Variants in DRC1 observed in about 807,000 individuals in gnomAD.
DRC1 encodes dynein regulatory complex protein 1.
DRC1 carries 74 observed loss-of-function variants against 98.7 expected under a neutral mutation model. The ratio of observed to expected loss-of-function variants is 0.75; its 90% CI spans 0.62 to 0.91. The LOEUF is 0.91. DRC1 is among the 40% of genes least tolerant of loss of function. The pLI is 0.00. For missense variants in DRC1, 875 were observed against 886.0 expected, an observed-to-expected ratio of 0.99 and a Z score of 0.16; for synonymous variants, 336 against 334.1, an observed-to-expected ratio of 1.01 and a Z score of -0.06.
In DRC1 at chr2:26,439,936, TAC is replaced by T. The variant is rs1553342452; in HGVS notation, c.889-432_889-431del. ...ACTAGTGTGTGAATATATATATATA[TAC>T]ACACACACATACACACACACACACA... On this transcript the variant is annotated intron_variant, in intron 7 of 16. Transcript: ENST00000288710. Among the ~76,000 whole-genome samples the T allele has an allele frequency of 8.7e-4, 66 of 75,490 alleles. 4 individuals are homozygous for T. Among genetic ancestry groups the T allele is most frequent in the Middle Eastern group, 6.6e-3 (1 of 152 alleles). The allele number at this position is 75,490 out of a possible 152,430, so 49.5% of individuals were successfully genotyped here.
At chr2:26,445,607 TC>T (rs1663830380) in intron 10 of DRC1, among the ~76,000 whole-genome samples, 1 of 152,210 alleles carries the variant, frequency 6.6e-6, no homozygotes. Flanking sequence ...CTAGTGGAAA[TC>T]TTCATATTGG....
At chr2:26,410,110 C>G (rs1223879622) in intron 1 of DRC1, among the ~76,000 whole-genome samples, 2 of 147,536 alleles carry the variant, frequency 1.4e-5, no homozygotes, top group African/African-American at 5.0e-5. Flanking sequence ...AAGGAGTGTT[C>G]AGAGAAAAAA....
chr2:26,413,034 G>A (rs1203382306), intron 1 of DRC1, among the ~76,000 whole-genome samples: 4 of 152,164 alleles, frequency 2.6e-5, no homozygotes, highest in African/African-American at 9.7e-5. Flanking sequence ...CACCCGCCTC[G>A]GCCTCCCAAA....
chr2:26,406,826 T>TTC (rs1553339507), intron 1 of DRC1, among the ~76,000 whole-genome samples: 2,886 of 145,854 alleles, frequency 0.02, 87 homozygotes, highest in African/African-American at 0.069. Context: ...TTTTTTTTTT[T>TTC]TTTTTTTTTG....
Position 26,418,744 on chromosome 2 carries a change from A to ATATAAATTATATTTAATTTATATAAT in DRC1, c.244-2544_244-2543insTATAAATTATATTTAATTTATATAAT, listed in dbSNP as rs1558438467. ...TATAAATTATATTTAATTTATATAT[A>ATATAAATTATATTTAATTTATATAAT]ATATAAATTATATTTTTATATATTA... is the stretch of plus-strand genomic sequence containing the variant. On this transcript the variant is annotated intron_variant, in intron 2 of 16. Transcript: ENST00000288710. Among the ~76,000 whole-genome samples, 51 of 100,210 alleles carry ATATAAATTATATTTAATTTATATAAT rather than the reference A, an allele frequency of 5.1e-4. 2 individuals are homozygous for ATATAAATTATATTTAATTTATATAAT. Among genetic ancestry groups the ATATAAATTATATTTAATTTATATAAT allele is most frequent in the African/African-American group, 2.0e-3 (50 of 25,040 alleles). 65.7% of individuals were successfully genotyped at this position (100,210 alleles called of 152,430 possible).
At chr2:26,447,169 C>T (rs1288987268) in intron 10 of DRC1, among the ~76,000 whole-genome samples, 1 of 152,020 alleles carries the variant, frequency 6.6e-6, no homozygotes, top group Non-Finnish European at 1.5e-5. Flanking sequence ...CATCCCAGCA[C>T]TTTGGGAGGC....
In DRC1 at chr2:26,454,913, A is replaced by C; in HGVS notation, c.2063+123A>C. ...CTGGGAGGGAAGAGCTGCCCTTGGCATCTCCTGTGTGGGTGGATCATGTGG... is the reference window on the plus strand; with the variant it reads ...CTGGGAGGGAAGAGCTGCCCTTGGCCTCTCCTGTGTGGGTGGATCATGTGG... On this transcript the variant is annotated intron_variant, in intron 15 of 16. Coordinates refer to ENST00000288710, the MANE Select transcript of DRC1 (RefSeq NM_145038.5). This position sits in a 1 kb window ranked among gnomAD's most constrained non-coding sequence, Gnocchi z 5.2. 1 of 1,516,694 alleles carries C rather than the reference A, an allele frequency of 6.6e-7. No individual in the cohort carries two copies. The highest frequency in any genetic ancestry group is 9.0e-7 in the Non-Finnish European group (1 of 1,110,516). 94.0% of individuals were successfully genotyped at this position (1,516,694 alleles called of 1,614,324 possible).
intron 4 of DRC1, 105 bp downstream of exon 4, chr2:26,424,559 T>G: frequency 8.5e-7 from 1 of 1,177,116 alleles, no homozygotes; most frequent in Non-Finnish European, 1.2e-6. Flanking sequence ...AACCTTTTAC[T>G]TCATTATTTA....
At chr2:26,403,053 A>C (rs550602258) in intron 1 of DRC1, among the ~76,000 whole-genome samples, 1 of 152,384 alleles carries the variant, frequency 6.6e-6, no homozygotes, top group African/African-American at 2.4e-5. Flanking sequence ...ATTTATGGAC[A>C]CTGAAATTTG....
At chr2:26,455,603 C>T (rs556147773) in intron 16 of DRC1, among the ~76,000 whole-genome samples, 4 of 152,360 alleles carry the variant, frequency 2.6e-5, no homozygotes, top group South Asian at 4.1e-4. Flanking sequence ...GTGGACAGGG[C>T]GGAAACAATG....
intron 8 of DRC1, among the ~76,000 whole-genome samples, chr2:26,443,857 A>G (rs1488141855): frequency 6.6e-6 from 1 of 152,242 alleles, no homozygotes; most frequent in African/African-American, 2.4e-5. Flanking sequence ...AAGTCATGAC[A>G]ATGAAATCGT....
chr2:26,440,452 G>C lies in DRC1; in HGVS notation c.963G>C (p.Gln321His). 1 of 1,613,366 alleles carries C rather than the reference G, an allele frequency of 6.2e-7. No individual in the cohort carries two copies. Among genetic ancestry groups the C allele is most frequent in the South Asian group, 1.1e-5 (1 of 90,982 alleles). Residue 321 changes from glutamine (Q) to histidine (H), a missense_variant, in exon 8 of 17, where the codon CAG becomes CAC. Gln to His is a conservative substitution (Grantham distance 24). Transcript: ENST00000288710. ...AAGAGAAATTAGAGTACAACTTGCAGGTGCTGAAGAAGAGAGATGAAGAAA... is the reference window on the plus strand; with the variant it reads ...AAGAGAAATTAGAGTACAACTTGCACGTGCTGAAGAAGAGAGATGAAGAAA... ...LNQEKLEYNL[Q>H]VLKKRDEEST... is the part of the protein sequence containing the mutation.
intron 10 of DRC1, among the ~76,000 whole-genome samples, chr2:26,446,100 T>C (rs1171735115): frequency 6.8e-6 from 1 of 147,440 alleles, no homozygotes; most frequent in East Asian, 2.0e-4. Flanking sequence ...GGGAATTTTT[T>C]TTTTTTTTTT....
chr2:26,455,492 G>A (rs1421768235), intron 16 of DRC1, among the ~76,000 whole-genome samples: 2 of 152,168 alleles, frequency 1.3e-5, no homozygotes, highest in East Asian at 3.8e-4. Context: ...TGGCCAGCTG[G>A]GACTGCTCTG....
intron 2 of DRC1, among the ~76,000 whole-genome samples, chr2:26,417,794 C>T (rs6712626): frequency 1.1e-3 from 170 of 152,234 alleles, no homozygotes; most frequent in African/African-American, 3.8e-3. Context: ...TATAATGGTT[C>T]GTGGTGGTAT....
chr2:26,448,532 A>G (rs1391766906), intron 10 of DRC1, 159 bp from the exon 11 acceptor site: 2 of 801,978 alleles, frequency 2.5e-6, no homozygotes, highest in Admixed American at 2.0e-5. Flanking sequence ...GCCACGTAAT[A>G]GGCTTTTTTC....
rs773150423 is a variant in DRC1, at chr2:26,402,155, G to A, written c.155+11G>A. 1.8e-5 allele frequency: 29 copies of A among 1,571,846 alleles called. No individual in the cohort carries two copies. Among genetic ancestry groups the A allele is most frequent in the African/African-American group, 1.4e-4 (10 of 73,520 alleles). On this transcript the variant is annotated intron_variant, in intron 1 of 16. Transcript: ENST00000288710. Reference sequence around the variant, plus strand: ...AGAAGCCCGGAGGCGGTGAGCGCGGGGGCGGGCGGGGCGGGATCCGCGCCG... The same window carrying A: ...AGAAGCCCGGAGGCGGTGAGCGCGGAGGCGGGCGGGGCGGGATCCGCGCCG...
rs1208132453 is a variant in DRC1 at position 26,418,662 on chromosome 2, TTATATAAATTAAATATAATTTATATTA to T, written c.244-2614_244-2588del. Among the ~76,000 whole-genome samples the T allele has an allele frequency of 7.8e-5, 7 of 89,820 alleles. No individual in the cohort carries two copies. In the East Asian group the frequency reaches 8.0e-4, roughly 10 times the overall value. The allele number at this position is 89,820 out of a possible 152,430, so 58.9% of individuals were successfully genotyped here. A position where few individuals can be genotyped will look rare whatever the true frequency, so the allele number is the denominator to read the frequency against. On this transcript the variant is annotated intron_variant, in intron 2 of 16. Coordinates refer to ENST00000288710, the MANE Select transcript of DRC1 (RefSeq NM_145038.5). ...ATTTATATAATATATAAATTATATA[TTATATAAATTAAATATAATTTATATTA>T]TATATAAATTATATTTAATTTATAT...
In DRC1 at chr2:26,454,958, C is replaced by G. The variant is rs957208482; in HGVS notation, c.2063+168C>G. 6.6e-6 allele frequency among the ~76,000 whole-genome samples: 1 copy of G among 152,118 alleles called. No homozygotes were observed. The highest frequency in any genetic ancestry group is 1.5e-5 in the Non-Finnish European group (1 of 68,018). On this transcript the variant is annotated intron_variant, in intron 15 of 16. Coordinates refer to ENST00000288710, the MANE Select transcript of DRC1 (RefSeq NM_145038.5). This position sits in a 1 kb window ranked among gnomAD's most constrained non-coding sequence, Gnocchi z 5.2. ...ATGTGGGGCAGTTGGCTCTTGGGCC[C>G]TGGCCTGCCTGTTCTGTTCCTGCTA... is the stretch of plus-strand genomic sequence containing the variant.
Sources: allele counts gnomAD v4.1 joint callset (sites outside exome capture counted in the v4.1 genomes callset), GRCh38; gene constraint gnomAD v4.1.1; non-coding constraint Gnocchi (gnomAD v3.1); transcripts MANE v1.5; gene names NCBI Gene and HGNC (gene_info 2026-07-23, HGNC 2026-07-21).